Variants in PTPRN2 observed in about 807,000 individuals in gnomAD.
PTPRN2 encodes protein tyrosine phosphatase receptor type N2.
Under a neutral mutation model 118.8 loss-of-function variants are expected in PTPRN2, and 74 were observed. The observed-to-expected ratio is 0.62, with a 90% CI of 0.52 to 0.76. The LOEUF (loss-of-function observed/expected upper bound fraction) is 0.76. PTPRN2 is among the 30% of genes least tolerant of loss of function. The probability of loss-of-function intolerance (pLI) is 0.00; values close to 1 mark genes in which losing one functional copy is unlikely to be tolerated. For synonymous variants in PTPRN2, 641 were observed against 608.0 expected (o/e 1.05, Z -0.80); for missense variants, 1,481 against 1,394.4 (o/e 1.06, Z -0.99).
intron 11 of PTPRN2, among the ~76,000 whole-genome samples, chr7:158,011,665 C>A (rs1043711774): frequency 6.6e-6 from 1 of 152,144 alleles, no homozygotes; most frequent in African/African-American, 2.4e-5. Context: ...ATTTTGTCCC[C>A]TCTGTGGTTT....
chr7:158,257,857 C>T (rs1437098954), intron 3 of PTPRN2, among the ~76,000 whole-genome samples: 1 of 152,244 alleles, frequency 6.6e-6, no homozygotes, highest in South Asian at 2.1e-4. Context: ...CCATGCCCTC[C>T]CCTGCTGGGC....
chr7:157,844,101 C>T (rs1212904358), intron 12 of PTPRN2, among the ~76,000 whole-genome samples: 2 of 151,528 alleles, frequency 1.3e-5, no homozygotes, highest in Admixed American at 6.6e-5. Flanking sequence ...ACGCAGGCCC[C>T]TCCACATCGT....
rs10246151 is a variant in PTPRN2, at chr7:158,354,549, C to T, written c.164-37617G>A. Among the ~76,000 whole-genome samples the T allele has an allele frequency of 9.3e-3, 1,414 of 152,098 alleles. 24 individuals carry two copies. The highest frequency in any genetic ancestry group is 0.033 in the African/African-American group (1,352 of 41,488). On this transcript the variant is annotated intron_variant, in intron 2 of 22. Coordinates refer to ENST00000389418, the MANE Select transcript of PTPRN2 (RefSeq NM_002847.5). ...AGTCTTGAAACAAAAATACATTTAGCGAAATGAGGAAATTCATGACAAGCT... is the reference window on the plus strand; with the variant it reads ...AGTCTTGAAACAAAAATACATTTAGTGAAATGAGGAAATTCATGACAAGCT...
chr7:157,604,120 A>C (rs1383885116), intron 15 of PTPRN2, 45 bp from the exon 16 acceptor site: 3 of 1,582,878 alleles, frequency 1.9e-6, no homozygotes, highest in Non-Finnish European at 1.7e-6. Flanking sequence ...TGGCCCACCC[A>C]GCAGTGTGAG....
At chr7:158,352,865 C>G (rs1023768265) in intron 2 of PTPRN2, among the ~76,000 whole-genome samples, 1 of 152,240 alleles carries the variant, frequency 6.6e-6, no homozygotes, top group Non-Finnish European at 1.5e-5. Context: ...CTGCAGCTGC[C>G]TGGCTCTCTC....
At chr7:158,319,400 A>ACACACACAGCCTCCCCCCC (rs1802626184) in intron 2 of PTPRN2, among the ~76,000 whole-genome samples, 1 of 6,220 alleles carries the variant, frequency 1.6e-4, no homozygotes, top group Non-Finnish European at 7.5e-4. Flanking sequence ...ACAGCCTCCC[A>ACACACACAGCCTCCCCCCC]CACACACACA....
In PTPRN2 at chr7:158,438,509, C is replaced by T. The variant is rs1038994094; in HGVS notation, c.163+51226G>A. The stretch of plus-strand genomic sequence containing the variant: ...TTAACAGGATCTTGGCCTCTCAAAT[C>T]CCGGTTGCCTCCGCAGCTCCCCAAA... On this transcript the variant is annotated intron_variant, in intron 2 of 22. Transcript: ENST00000389418. The surrounding 1 kb of genome is among the most constrained non-coding windows in gnomAD (Gnocchi z 4.7). Among the ~76,000 whole-genome samples, 1 of 152,142 alleles carries T rather than the reference C, an allele frequency of 6.6e-6. No individual in the cohort carries two copies.
intron 1 of PTPRN2, among the ~76,000 whole-genome samples, chr7:158,567,353 C>A (rs1162663582): frequency 6.6e-6 from 1 of 152,196 alleles, no homozygotes; most frequent in Non-Finnish European, 1.5e-5. Context: ...GACAAACAGG[C>A]CTGACGAGGC....
intron 10 of PTPRN2, among the ~76,000 whole-genome samples, chr7:158,085,120 GCCCATCCACACCCACCACA>G (rs1563411850): frequency 1.9e-5 from 2 of 104,482 alleles, no homozygotes; most frequent in African/African-American, 3.9e-5. Flanking sequence ...CACCCATGAC[GCCCATCCACACCCACCACA>G]CCCATCCACA....
intron 12 of PTPRN2, among the ~76,000 whole-genome samples, chr7:157,771,728 C>G (rs148911932): frequency 1.9e-4 from 29 of 151,708 alleles, no homozygotes; most frequent in Non-Finnish European, 3.7e-4. Flanking sequence ...CACACACAGA[C>G]GCACAAACAG....
At chr7:157,597,486 T>TGTGTG (rs35747463) in intron 16 of PTPRN2, among the ~76,000 whole-genome samples, 1 of 145,470 alleles carries the variant, frequency 6.9e-6, no homozygotes, top group African/African-American at 2.6e-5. Context: ...GTGTGTGTGT[T>TGTGTG]TTTTTTTTTG....
intron 2 of PTPRN2, among the ~76,000 whole-genome samples, chr7:158,439,716 A>G (rs1318946452): frequency 1.3e-5 from 2 of 152,256 alleles, no homozygotes; most frequent in Non-Finnish European, 2.9e-5. Context: ...CATAGAAAGT[A>G]AAGATATGAA....
chr7:158,386,950 C>T (rs183654356), intron 2 of PTPRN2, among the ~76,000 whole-genome samples: 14 of 152,290 alleles, frequency 9.2e-5, no homozygotes, highest in East Asian at 5.8e-4. Context: ...CCACACGGCC[C>T]GATCACCCAC....
At chr7:157,724,583 C>T (rs1799423421) in intron 12 of PTPRN2, among the ~76,000 whole-genome samples, 1 of 152,216 alleles carries the variant, frequency 6.6e-6, no homozygotes, top group African/African-American at 2.4e-5. Flanking sequence ...ATCCATATAA[C>T]CTGCTGAGCA....
chr7:158,397,712 G>C (rs1812630118), intron 2 of PTPRN2, among the ~76,000 whole-genome samples: 1 of 152,172 alleles, frequency 6.6e-6, no homozygotes, highest in Admixed American at 6.5e-5. Flanking sequence ...TCAGGGCTGA[G>C]TCTCCTCCCC....
chr7:158,116,565 T>G (rs1816745718), intron 9 of PTPRN2, among the ~76,000 whole-genome samples: 1 of 152,272 alleles, frequency 6.6e-6, no homozygotes, highest in Non-Finnish European at 1.5e-5. Flanking sequence ...ATACAGATGT[T>G]GTCCTCCAAA....
At chr7:158,545,498 A>C (rs1586914905) in intron 1 of PTPRN2, among the ~76,000 whole-genome samples, 1 of 151,274 alleles carries the variant, frequency 6.6e-6, no homozygotes. Flanking sequence ...TCACTTTTCC[A>C]CCCTGAGCAG....
intron 2 of PTPRN2, among the ~76,000 whole-genome samples, chr7:158,380,298 T>C (rs1327002282): frequency 6.6e-6 from 1 of 152,160 alleles, no homozygotes; most frequent in Non-Finnish European, 1.5e-5. Flanking sequence ...GCCTGTAAAA[T>C]CAAAAACAAG....
chr7:158,119,635 C>G lies in PTPRN2; in HGVS notation c.1557-8720G>C, dbSNP rs1015755354. 5.3e-5 allele frequency among the ~76,000 whole-genome samples: 8 copies of G among 149,880 alleles called. No homozygotes were observed. The East Asian group carries it at 9.7e-4, about 18-fold the overall frequency. On this transcript the variant is annotated intron_variant, in intron 9 of 22. Coordinates refer to ENST00000389418, the MANE Select transcript of PTPRN2 (RefSeq NM_002847.5). ...AGAGGGAGAGAGAGAGAGAGAGAGA[C>G]ACCATATTTACACAACTTCTATTAC...
Sources: allele counts gnomAD v4.1 joint callset (sites outside exome capture counted in the v4.1 genomes callset), GRCh38; gene constraint gnomAD v4.1.1; non-coding constraint Gnocchi (gnomAD v3.1); transcripts MANE v1.5; gene names NCBI Gene and HGNC (gene_info 2026-07-23, HGNC 2026-07-21).